ADAM7: variants seen among roughly 807,000 people sequenced by gnomAD.
ADAM7 encodes the protein disintegrin and metalloproteinase domain-containing protein 7.
ADAM7 carries 97 observed loss-of-function variants against 102.9 expected under a neutral mutation model. The ratio of observed to expected loss-of-function variants is 0.94; its 90% CI spans 0.80 to 1.12. ADAM7 has a LOEUF of 1.12. Ranked by LOEUF, ADAM7 falls within the 50% of genes most tolerant of loss-of-function variation. The pLI is 0.00. For missense variants in ADAM7, 991 were observed against 908.7 expected, an observed-to-expected ratio of 1.09 and a Z score of -1.16; for synonymous variants, 334 against 304.4, an observed-to-expected ratio of 1.10 and a Z score of -1.01.
In ADAM7 at chr8:24,489,078, T is replaced by G. The variant is rs1022509032; in HGVS notation, c.1092-81T>G. The G allele has an allele frequency of 1.2e-5, 16 of 1,290,196 alleles. No individual in the cohort carries two copies. The South Asian group carries it at 2.7e-4, about 22-fold the overall frequency. 79.9% of individuals were successfully genotyped at this position (1,290,196 alleles called of 1,614,324 possible). A position where few individuals can be genotyped will look rare whatever the true frequency, so the allele number is the denominator to read the frequency against. On this transcript the variant is annotated intron_variant, in intron 11 of 21. Coordinates refer to ENST00000175238, the MANE Select transcript of ADAM7 (RefSeq NM_003817.4). The stretch of plus-strand genomic sequence containing the variant: ...AACATTTACATTTGTTCTTTTCAAA[T>G]GCTTCATAAAATGCTCACAGCCACT...
chr8:24,500,317 T>C (rs1442683289), intron 18 of ADAM7, 61 bp downstream of exon 18: 29 of 1,500,590 alleles, frequency 1.9e-5, no homozygotes, highest in Non-Finnish European at 2.7e-5. Flanking sequence ...AAAAAGTTTT[T>C]CTTATTTTTC....
intron 7 of ADAM7, among the ~76,000 whole-genome samples, chr8:24,470,474 A>T (rs1347274897): frequency 6.8e-6 from 1 of 146,124 alleles, no homozygotes; most frequent in African/African-American, 2.5e-5. Flanking sequence ...ATTTGAAAAT[A>T]AAAAAAAAAA....
intron 20 of ADAM7, among the ~76,000 whole-genome samples, chr8:24,502,227 GA>G (rs34918019): frequency 0.28 from 42,911 of 151,914 alleles, 6,663 homozygotes; most frequent in South Asian, 0.4. Flanking sequence ...TAACCTGAAT[GA>G]AAATTAAATA....
chr8:24,451,675 T>G (rs1409806668), intron 3 of ADAM7, among the ~76,000 whole-genome samples: 1 of 151,604 alleles, frequency 6.6e-6, no homozygotes. Flanking sequence ...TTTTAGTTAT[T>G]TCTTGCCTTC....
intron 7 of ADAM7, among the ~76,000 whole-genome samples, chr8:24,474,869 TG>T (rs1375839964): frequency 2.6e-5 from 4 of 152,122 alleles, no homozygotes; most frequent in Non-Finnish European, 4.4e-5. Context: ...CACTCCAGCC[TG>T]GGTGACAGAG....
At chr8:24,480,208 C>A (rs1426571464) in intron 8 of ADAM7, among the ~76,000 whole-genome samples, 1 of 152,160 alleles carries the variant, frequency 6.6e-6, no homozygotes, top group Non-Finnish European at 1.5e-5. Flanking sequence ...TTCTCATCTT[C>A]AAGTAAGCAT....
At chr8:24,457,635 A>C (rs1429736000) in intron 3 of ADAM7, among the ~76,000 whole-genome samples, 1 of 152,118 alleles carries the variant, frequency 6.6e-6, no homozygotes, top group East Asian at 1.9e-4. Flanking sequence ...GTGACCTTTT[A>C]ATTCATTTCT....
intron 7 of ADAM7, among the ~76,000 whole-genome samples, chr8:24,474,373 T>C (rs1228904067): frequency 2.0e-5 from 3 of 152,168 alleles, no homozygotes; most frequent in African/African-American, 7.2e-5. Flanking sequence ...TTTTTACTCA[T>C]ATACTAGGTG....
intron 2 of ADAM7, among the ~76,000 whole-genome samples, chr8:24,444,119 T>C (rs1053883854): frequency 6.6e-6 from 1 of 150,978 alleles, no homozygotes. Flanking sequence ...GTCAAAAGAA[T>C]TCAGAAGCCA....
intron 9 of ADAM7, among the ~76,000 whole-genome samples, chr8:24,482,652 G>A (rs1194538710): frequency 1.3e-5 from 2 of 152,116 alleles, no homozygotes; most frequent in Non-Finnish European, 2.9e-5. Context: ...GGGAAGCTGA[G>A]GCTGGAGGAT....
At chr8:24,478,875 C>T (rs970235531) in intron 8 of ADAM7, among the ~76,000 whole-genome samples, 13 of 152,104 alleles carry the variant, frequency 8.5e-5, no homozygotes, top group African/African-American at 3.1e-4. Context: ...TGAAATGGTA[C>T]ACTTCCTCTT....
intron 3 of ADAM7, among the ~76,000 whole-genome samples, chr8:24,459,823 T>G (rs918485569): frequency 6.6e-6 from 1 of 152,186 alleles, no homozygotes; most frequent in Non-Finnish European, 1.5e-5. Flanking sequence ...TGATGTCTTT[T>G]ATCGTTTGTA....
chr8:24,465,308 G>T (rs1006502124), intron 4 of ADAM7, among the ~76,000 whole-genome samples: 1 of 152,094 alleles, frequency 6.6e-6, no homozygotes, highest in African/African-American at 2.4e-5. Flanking sequence ...CATCAAGTAG[G>T]GAGTAATAAA....
At position 24,500,199 on chromosome 8, in the gene ADAM7, T is replaced by G. The variant is rs1820707913; in HGVS notation, c.1945T>G (p.Cys649Gly). The part of the protein sequence containing the change: ...ENPVDGHGLQ[C>G]HCEEGQAPVA... ...CCAGGTGGATGGCCACGGACTCCAG[T>G]GCCACTGTGAGGAAGGACAGGCACC... The change falls in exon 18 of 22, where the codon TGC (cysteine) becomes GGC (glycine). Residue 649 changes from cysteine (C) to glycine (G), a missense_variant. By Grantham distance (159) the Cys-to-Gly change is radical. Coordinates refer to ENST00000175238, the MANE Select transcript of ADAM7 (RefSeq NM_003817.4). 2 of 1,611,882 alleles carry G rather than the reference T, an allele frequency of 1.2e-6. No individual in the cohort carries two copies. The highest frequency in any genetic ancestry group is 1.7e-5 in the Admixed American group (1 of 59,792).
chr8:24,457,604 T>C (rs1028739669), intron 3 of ADAM7, among the ~76,000 whole-genome samples: 1 of 152,198 alleles, frequency 6.6e-6, no homozygotes, highest in African/African-American at 2.4e-5. Context: ...AATATAGTTC[T>C]TGTTATGTTT....
At position 24,491,969 on chromosome 8, in the gene ADAM7, G is replaced by C. The variant is rs997899796; in HGVS notation, c.1423G>C (p.Gly475Arg). ...DECDFPEMCT[G>R]HSPACPKDQF... ...ATGTGATTTTCCTGAGATGTGCACTGGCCACTCGCCTGCCTGTCCTAAGGA... is the reference window on the plus strand; with the variant it reads ...ATGTGATTTTCCTGAGATGTGCACTCGCCACTCGCCTGCCTGTCCTAAGGA... Residue 475 changes from glycine to arginine, a missense_variant, in exon 14 of 22, where the codon GGC (glycine) becomes CGC (arginine). Transcript: ENST00000175238. The C allele has an allele frequency of 3.1e-6, 5 of 1,613,860 alleles. No individual in the cohort carries two copies. The highest frequency in any genetic ancestry group is 4.2e-6 in the Non-Finnish European group (5 of 1,179,856).
At position 24,466,829 on chromosome 8, in the gene ADAM7, C is replaced by T. The variant is rs531493022; in HGVS notation, c.420C>T (p.Tyr140=). 2.6e-5 allele frequency: 42 copies of T among 1,613,328 alleles called. No individual in the cohort carries two copies. The highest frequency in any genetic ancestry group is 3.1e-5 in the Non-Finnish European group (37 of 1,179,794). Residue 140 remains tyrosine (Y), a synonymous_variant, in exon 6 of 22, where the codon TAC becomes TAT. Transcript: ENST00000175238. ...TCTTCAGAATAAACGACCAAAGATA[C>T]CTCATTGAACCAGTGAAATACTCAG... The part of the protein sequence containing the change: ...RGFFRINDQR[Y]LIEPVKYSDE...
chr8:24,455,057 T>G (rs558938915), intron 3 of ADAM7, among the ~76,000 whole-genome samples: 3 of 152,250 alleles, frequency 2.0e-5, no homozygotes, highest in Admixed American at 2.0e-4. Context: ...TTATTATATA[T>G]TTTATATATG....
chr8:24,509,407 C>T lies in ADAM7; in HGVS notation c.*861C>T. On this transcript the variant is annotated 3_prime_UTR_variant, in exon 22 of 22. Transcript: ENST00000175238. ...ATTTCAGCTGCTTCTTACACAGATG[C>T]CTCTCAAGGTGTTCTTTTGTGTCCT... is the stretch of plus-strand genomic sequence containing the variant. The T allele has an allele frequency of 2.0e-6, 2 of 985,380 alleles. No homozygotes were observed. The highest frequency in any genetic ancestry group is 2.4e-6 in the Non-Finnish European group (2 of 829,902). The allele number at this position is 985,380 out of a possible 1,614,324, so 61.0% of individuals were successfully genotyped here. A position where few individuals can be genotyped will look rare whatever the true frequency, so the allele number is the denominator to read the frequency against.
Sources: gnomAD v4.1 joint callset for allele counts (sites outside exome capture counted in the v4.1 genomes callset) on GRCh38, gnomAD v4.1.1 for gene constraint, MANE v1.5 for transcripts, NCBI Gene and HGNC (gene_info 2026-07-23, HGNC 2026-07-21) for gene names.